The following CREB5 variants were observed in gnomAD, a reference collection of about 807,000 sequenced individuals.
The protein encoded by CREB5 is cAMP responsive element binding protein 5.
CREB5 carries 19 observed loss-of-function variants against 57.1 expected under a neutral mutation model. The ratio of observed to expected loss-of-function variants is 0.33; its 90% CI spans 0.23 to 0.49. The LOEUF is 0.49. Ranked by LOEUF, CREB5 falls within the 20% of genes least tolerant of loss-of-function variation. The pLI, the probability that CREB5 is intolerant of heterozygous loss-of-function variation, is 0.99. For missense variants in CREB5, 579 were observed against 671.6 expected (o/e 0.86, Z 1.52); for synonymous variants, 238 against 238.3 (o/e 1.00, Z 0.01).
At position 28,560,939 on chromosome 7, in the gene CREB5, T is replaced by C. The variant is rs1484937376; in HGVS notation, c.292-9426T>C. Among the ~76,000 whole-genome samples the C allele has an allele frequency of 6.0e-3, 190 of 31,846 alleles. 9 individuals carry two copies. Among genetic ancestry groups the C allele is most frequent in the South Asian group, 8.4e-3 (4 of 474 alleles). The allele number at this position is 31,846 out of a possible 152,430, so 20.9% of individuals were successfully genotyped here. On this transcript the variant is annotated intron_variant, in intron 4 of 10. Coordinates refer to ENST00000357727, the MANE Select transcript of CREB5 (RefSeq NM_182898.4). Reference sequence around the variant, plus strand: ...GCGTGTGTGCGCGTGCGTGTGTGCGTGCGTGTGTGTGCGTGTGTGTGCGTG... The same window carrying C: ...GCGTGTGTGCGCGTGCGTGTGTGCGCGCGTGTGTGTGCGTGTGTGTGCGTG...
chr7:28,697,245 G>A (rs1478227498), intron 5 of CREB5, among the ~76,000 whole-genome samples: 1 of 152,104 alleles, frequency 6.6e-6, no homozygotes, highest in Non-Finnish European at 1.5e-5. Flanking sequence ...ATGAAGTGCA[G>A]TCAGCATTGG....
Position 28,712,524 on chromosome 7 carries a change from T to TTTTTTATTATTATTATTATTA in CREB5, c.465-6227_465-6226insTTTATTATTATTATTATTATT, listed in dbSNP as rs1554289900. 3.8e-3 allele frequency among the ~76,000 whole-genome samples: 518 copies of TTTTTTATTATTATTATTATTA among 135,352 alleles called. 7 individuals are homozygous for TTTTTTATTATTATTATTATTA. Among genetic ancestry groups the TTTTTTATTATTATTATTATTA allele is most frequent in the African/African-American group, 0.014 (479 of 34,986 alleles). The allele number at this position is 135,352 out of a possible 152,430, so 88.8% of individuals were successfully genotyped here. On this transcript the variant is annotated intron_variant, in intron 5 of 10. Coordinates refer to ENST00000357727, the MANE Select transcript of CREB5 (RefSeq NM_182898.4). ...ACTCCTCAAAAAAAAAAAAAGAGAA[T>TTTTTTATTATTATTATTATTA]TTATTATTATTATTATTATTATTTT...
At chr7:28,528,411 C>T (rs117476069) in intron 4 of CREB5, among the ~76,000 whole-genome samples, 8,158 of 152,220 alleles carry the variant, frequency 0.054, 305 homozygotes, top group Middle Eastern at 0.11. Context: ...GTGTGCTATA[C>T]AAATGAGTAT....
chr7:28,508,154 T>C (rs1036184089), intron 4 of CREB5, among the ~76,000 whole-genome samples: 2 of 152,248 alleles, frequency 1.3e-5, no homozygotes, highest in African/African-American at 4.8e-5. Flanking sequence ...ACCAAATTCA[T>C]AATTATTTCC....
rs184601524 is a variant in CREB5 at position 28,824,902 on chromosome 7, A to G, written c.*5623A>G. On this transcript the variant is annotated 3_prime_UTR_variant, in exon 11 of 11. Transcript: ENST00000357727. Reference sequence around the variant, plus strand: ...ATCAGAAAGGAATCAATAATTACCAACTGTTGTATTTAGACCAACTTACAA... The same window carrying G: ...ATCAGAAAGGAATCAATAATTACCAGCTGTTGTATTTAGACCAACTTACAA... 1 of 152,694 alleles carries G rather than the reference A, an allele frequency of 6.5e-6. No individual in the cohort carries two copies. The highest frequency in any genetic ancestry group is 1.9e-4 in the East Asian group (1 of 5,182). The allele number at this position is 152,694 out of a possible 1,614,324, so 9.5% of individuals were successfully genotyped here. A position where few individuals can be genotyped will look rare whatever the true frequency, so the allele number is the denominator to read the frequency against.
chr7:28,372,134 A>C (rs1475974255), intron 1 of CREB5, among the ~76,000 whole-genome samples: 1 of 152,212 alleles, frequency 6.6e-6, no homozygotes, highest in East Asian at 1.9e-4. Flanking sequence ...ATATACAATT[A>C]GTTAATTCTC....
intron 4 of CREB5, among the ~76,000 whole-genome samples, chr7:28,538,521 C>A (rs1275820990): frequency 2.0e-5 from 3 of 152,184 alleles, no homozygotes; most frequent in Middle Eastern, 3.4e-3. Context: ...AGGGGTTGAT[C>A]AATTTTATTA....
intron 1 of CREB5, among the ~76,000 whole-genome samples, chr7:28,361,754 A>G (rs1786489322): frequency 6.6e-6 from 1 of 152,178 alleles, no homozygotes; most frequent in Admixed American, 6.5e-5. Context: ...CTTGCAGCCA[A>G]AACTCTTGAC....
At chr7:28,382,795 C>T (rs1786991706) in intron 1 of CREB5, among the ~76,000 whole-genome samples, 1 of 151,862 alleles carries the variant, frequency 6.6e-6, no homozygotes. Context: ...GGTCATGATA[C>T]TCACCTGGCA....
chr7:28,764,942 A>G (rs1169120070), intron 7 of CREB5, among the ~76,000 whole-genome samples: 1 of 152,192 alleles, frequency 6.6e-6, no homozygotes, highest in Non-Finnish European at 1.5e-5. Context: ...GCCGCCTTTC[A>G]TAGTCTCTCA....
In CREB5 at chr7:28,560,839, T is replaced by C. The variant is rs1337653011; in HGVS notation, c.292-9526T>C. ...GTGTGTGTGCGCGCGCGCGCGTGTG[T>C]GTGTGCGCGTGTGTGTGTGCGTGTG... On this transcript the variant is annotated intron_variant, in intron 4 of 10. Coordinates refer to ENST00000357727, the MANE Select transcript of CREB5 (RefSeq NM_182898.4). Among the ~76,000 whole-genome samples, 89 of 96,414 alleles carry C rather than the reference T, an allele frequency of 9.2e-4. 8 individuals carry two copies. Among genetic ancestry groups the C allele is most frequent in the Non-Finnish European group, 1.7e-3 (76 of 45,140 alleles). 63.3% of individuals were successfully genotyped at this position (96,414 alleles called of 152,430 possible).
intron 1 of CREB5, 80 bp downstream of exon 1, chr7:28,412,997 A>G: frequency 8.1e-7 from 1 of 1,241,254 alleles, no homozygotes; most frequent in East Asian, 2.6e-5. Context: ...TTGTATTTTC[A>G]TAGATGGAAT....
At chr7:28,684,589 A>G (rs1405769862) in intron 5 of CREB5, among the ~76,000 whole-genome samples, 2 of 152,210 alleles carry the variant, frequency 1.3e-5, no homozygotes, top group Non-Finnish European at 2.9e-5. Context: ...TAATAAGCTG[A>G]GAGATTTCTC....
At chr7:28,809,636 G>A (rs1808982744) in intron 9 of CREB5, among the ~76,000 whole-genome samples, 1 of 152,188 alleles carries the variant, frequency 6.6e-6, no homozygotes, top group Admixed American at 6.5e-5. Context: ...CTGAGAAGGG[G>A]GGACCTACCC....
intron 7 of CREB5, among the ~76,000 whole-genome samples, chr7:28,755,157 A>T (rs1179605246): frequency 6.6e-6 from 1 of 152,206 alleles, no homozygotes; most frequent in Non-Finnish European, 1.5e-5. Flanking sequence ...TAGCCAAGAG[A>T]AAGTGCTTTA....
chr7:28,596,635 C>T (rs1475643550), intron 5 of CREB5, among the ~76,000 whole-genome samples: 1 of 152,198 alleles, frequency 6.6e-6, no homozygotes, highest in African/African-American at 2.4e-5. Context: ...CCAGCTAGAC[C>T]TGGGTCCAAG....
chr7:28,528,272 G>A (rs779452091), intron 4 of CREB5, among the ~76,000 whole-genome samples: 3 of 152,138 alleles, frequency 2.0e-5, no homozygotes, highest in Admixed American at 1.3e-4. Flanking sequence ...TCACTGAGTC[G>A]GCATTAATTG....
chr7:28,674,984 A>G (rs1245239439), intron 5 of CREB5, among the ~76,000 whole-genome samples: 1 of 151,982 alleles, frequency 6.6e-6, no homozygotes, highest in African/African-American at 2.4e-5. Context: ...CTTTTCCTGC[A>G]TGAAACACAC....
At chr7:28,490,097 A>G (rs1381802938) in intron 2 of CREB5, among the ~76,000 whole-genome samples, 1 of 152,202 alleles carries the variant, frequency 6.6e-6, no homozygotes, top group Non-Finnish European at 1.5e-5. Flanking sequence ...ATTACGTTTG[A>G]TTCAACTCAA....
Sources: allele counts gnomAD v4.1 joint callset (sites outside exome capture counted in the v4.1 genomes callset), GRCh38; gene constraint gnomAD v4.1.1; transcripts MANE v1.5; gene names NCBI Gene and HGNC (gene_info 2026-07-23, HGNC 2026-07-21).